The following ENPEP variants were observed in gnomAD, a reference collection of about 807,000 sequenced individuals.
ENPEP encodes the protein glutamyl aminopeptidase, also known as AP-A.
A neutral mutation model predicts 114.5 loss-of-function variants in ENPEP; 103 were observed. The observed-to-expected ratio is 0.90, with a 90% CI of 0.77 to 1.06. ENPEP has a LOEUF of 1.06. Among genes scored for constraint, ENPEP ranks in the 50% least tolerant of loss-of-function variants. The pLI, the probability that ENPEP is intolerant of heterozygous loss-of-function variation, is 0.00. For synonymous variants in ENPEP, 420 were observed against 422.0 expected (o/e 1.00, Z 0.06); for missense variants, 1,196 against 1,161.3 (o/e 1.03, Z -0.43).
intron 1 of ENPEP, among the ~76,000 whole-genome samples, chr4:110,481,240 A>T (rs1023238147): frequency 6.6e-6 from 1 of 152,046 alleles, no homozygotes; most frequent in African/African-American, 2.4e-5. Context: ...GTTTTTAATT[A>T]TGGAACTTTT....
chr4:110,547,537 CT>C (rs1330182126), intron 13 of ENPEP, among the ~76,000 whole-genome samples: 1 of 152,028 alleles, frequency 6.6e-6, no homozygotes, highest in African/African-American at 2.4e-5. Context: ...GAAAGCTGAG[CT>C]GATTTCAAAA....
intron 3 of ENPEP, among the ~76,000 whole-genome samples, chr4:110,496,301 A>G (rs1724935557): frequency 6.6e-6 from 1 of 152,232 alleles, no homozygotes; most frequent in Non-Finnish European, 1.5e-5. Context: ...CTTCATAGAA[A>G]TAATCTTATT....
intron 1 of ENPEP, among the ~76,000 whole-genome samples, chr4:110,479,924 AT>A (rs1724248824): frequency 6.6e-6 from 1 of 152,220 alleles, no homozygotes; most frequent in African/African-American, 2.4e-5. Flanking sequence ...TATGTACTTT[AT>A]AAGTCTAAAA....
At chr4:110,544,466 C>T (rs1381312065) in intron 13 of ENPEP, among the ~76,000 whole-genome samples, 1 of 151,996 alleles carries the variant, frequency 6.6e-6, no homozygotes, top group Non-Finnish European at 1.5e-5. Flanking sequence ...GTTTAACCTC[C>T]TGGATATGTA....
chr4:110,520,039 C>T lies in ENPEP; in HGVS notation c.1541C>T (p.Ala514Val). ...TTGGAAAAATACCAATTCAAGAATG[C>T]AAAAACTTCTGATTTTTGGGCAGCA... is the stretch of plus-strand genomic sequence containing the variant. ...MYLEKYQFKN[A>V]KTSDFWAALE... Residue 514 changes from alanine to valine, a missense_variant, in exon 9 of 20, where the codon GCA becomes GTA. By Grantham distance (64) the Ala-to-Val change is moderately conservative. Transcript: ENST00000265162. 1.2e-6 allele frequency: 2 copies of T among 1,613,894 alleles called. No homozygotes were observed. The highest frequency in any genetic ancestry group is 4.5e-5 in the East Asian group (2 of 44,858).
chr4:110,559,780 T>G (rs1453286369), intron 19 of ENPEP, 55 bp downstream of exon 19: 1 of 1,444,798 alleles, frequency 6.9e-7, no homozygotes, highest in Non-Finnish European at 9.6e-7. Context: ...TGAAACTTTT[T>G]TAAAAAAAAT....
At chr4:110,548,718 T>C (rs1055394379) in intron 14 of ENPEP, among the ~76,000 whole-genome samples, 3 of 152,126 alleles carry the variant, frequency 2.0e-5, no homozygotes, top group Admixed American at 6.6e-5. Flanking sequence ...TTACTGCTGG[T>C]ATTTCCACAT....
intron 13 of ENPEP, among the ~76,000 whole-genome samples, chr4:110,544,674 C>G (rs1241918416): frequency 6.6e-6 from 1 of 152,094 alleles, no homozygotes; most frequent in Admixed American, 6.6e-5. Flanking sequence ...TCAGCTTCTT[C>G]ACTGTTAGAA....
At chr4:110,560,903 T>C (rs2110406075) in intron 19 of ENPEP, among the ~76,000 whole-genome samples, 1 of 152,290 alleles carries the variant, frequency 6.6e-6, no homozygotes, top group Middle Eastern at 3.4e-3. Context: ...TAGCAAATAA[T>C]CCTAGTATGG....
intron 1 of ENPEP, among the ~76,000 whole-genome samples, chr4:110,487,050 T>C (rs1478620714): frequency 3.9e-5 from 6 of 152,152 alleles, no homozygotes; most frequent in Non-Finnish European, 8.8e-5. Flanking sequence ...TTGAGCCAGA[T>C]ACTGGTCTGG....
chr4:110,539,414 G>A (rs973699517), intron 11 of ENPEP, among the ~76,000 whole-genome samples: 4 of 152,142 alleles, frequency 2.6e-5, no homozygotes. Context: ...TATGGATCAT[G>A]TTAGCTTTAG....
chr4:110,482,676 C>A (rs1724356838), intron 1 of ENPEP, among the ~76,000 whole-genome samples: 2 of 152,086 alleles, frequency 1.3e-5, no homozygotes, highest in Non-Finnish European at 2.9e-5. Flanking sequence ...GATTAGTATG[C>A]TGAGCTATTA....
intron 4 of ENPEP, among the ~76,000 whole-genome samples, chr4:110,508,464 C>A (rs1725451473): frequency 6.6e-6 from 1 of 152,180 alleles, no homozygotes; most frequent in East Asian, 1.9e-4. Context: ...CTATTGTAAT[C>A]TTGACCTCTA....
In ENPEP at chr4:110,549,338, T is replaced by C; in HGVS notation, c.2152-8T>C. 8 of 1,609,952 alleles carry C rather than the reference T, an allele frequency of 5.0e-6. No homozygotes were observed. The highest frequency in any genetic ancestry group is 6.8e-6 in the Non-Finnish European group (8 of 1,176,558). On this transcript the variant is annotated splice_region_variant and splice_polypyrimidine_tract_variant and intron_variant, in intron 14 of 19. Transcript: ENST00000265162. ...TGTTACTTATTGTACATAATACTTT[T>C]ATTTCAGGAATACTTCCAAGGTCAA...
At chr4:110,505,119 C>T (rs1015411765) in intron 3 of ENPEP, among the ~76,000 whole-genome samples, 1 of 152,158 alleles carries the variant, frequency 6.6e-6, no homozygotes, top group South Asian at 2.1e-4. Flanking sequence ...CCTGTACGAA[C>T]GTGATGACTT....
chr4:110,557,003 A>G (rs893076724), intron 18 of ENPEP, among the ~76,000 whole-genome samples: 5 of 152,200 alleles, frequency 3.3e-5, no homozygotes, highest in African/African-American at 1.2e-4. Flanking sequence ...ACTTTATTAT[A>G]CGTAAATTAT....
chr4:110,554,178 A>C (rs988987186), intron 18 of ENPEP, among the ~76,000 whole-genome samples: 4 of 152,028 alleles, frequency 2.6e-5, no homozygotes, highest in African/African-American at 9.7e-5. Flanking sequence ...ACATATAAAC[A>C]TTGATGAAAA....
Position 110,509,700 on chromosome 4 carries a change from G to C in ENPEP, c.1087G>C (p.Gly363Arg). The change falls in exon 5 of 20, where the codon GGA (glycine) becomes CGA (arginine). Residue 363 changes from glycine (G) to arginine (R), a missense_variant. Transcript: ENST00000265162. Reference sequence around the variant, plus strand: ...TGGCACTGGTGCCATGGAGAACTGGGGACTCATCACGTACAGAGAAACGAA... The same window carrying C: ...TGGCACTGGTGCCATGGAGAACTGGCGACTCATCACGTACAGAGAAACGAA... ...DFGTGAMENW[G>R]LITYRETNLL... The C allele has an allele frequency of 1.2e-6, 2 of 1,614,098 alleles. No homozygotes were observed. Among genetic ancestry groups the C allele is most frequent in the Non-Finnish European group, 1.7e-6 (2 of 1,179,984 alleles).
At chr4:110,497,553 C>A (rs1724988828) in intron 3 of ENPEP, among the ~76,000 whole-genome samples, 1 of 152,024 alleles carries the variant, frequency 6.6e-6, no homozygotes, top group Admixed American at 6.6e-5. Context: ...AAGCATCAGA[C>A]AACTTAAATT....
Sources: allele counts gnomAD v4.1 joint callset (sites outside exome capture counted in the v4.1 genomes callset), GRCh38; gene constraint gnomAD v4.1.1; transcripts MANE v1.5; gene names NCBI Gene and HGNC (gene_info 2026-07-23, HGNC 2026-07-21).